The following GLRX3 variants were observed in gnomAD, a reference collection of about 807,000 sequenced individuals.
The protein encoded by GLRX3 is glutaredoxin-3.
In GLRX3, 22 loss-of-function variants were observed where a neutral mutation model predicts 49.5. That is an observed-to-expected ratio of 0.44 (90% CI 0.32 to 0.63). GLRX3 has a LOEUF of 0.63. GLRX3 is among the 30% of genes least tolerant of loss of function. The probability of loss-of-function intolerance (pLI) is 0.05; values close to 1 mark genes in which losing one functional copy is unlikely to be tolerated. For missense variants in GLRX3, 385 were observed against 396.3 expected (o/e 0.97, Z 0.24); for synonymous variants, 133 against 140.0 (o/e 0.95, Z 0.35).
In GLRX3 at chr10:130,160,956, G is replaced by C; in HGVS notation, c.437G>C (p.Cys146Ser). 1 of 1,613,716 alleles carries C rather than the reference G, an allele frequency of 6.2e-7. No homozygotes were observed. The highest frequency in any genetic ancestry group is 8.5e-7 in the Non-Finnish European group (1 of 1,179,852). Reference protein sequence around the residue: ...RLKKLTHAAPCMLFMKGTPQE... With the variant: ...RLKKLTHAAPSMLFMKGTPQE... ...AAGAAATTGACTCATGCTGCCCCCT[G>C]CATGCTGTTTATGAAAGGAACTCCT... Residue 146 changes from cysteine (C) to serine (S), a missense_variant, in exon 4 of 11, where the codon TGC becomes TCC. Cys to Ser is a moderately radical substitution (Grantham distance 112, BLOSUM62 -1). This residue lies in a region of GLRX3 where 374 missense variants were observed against 358.6 expected (regional missense o/e 1.04). Coordinates refer to ENST00000331244, the MANE Select transcript of GLRX3 (RefSeq NM_006541.5).
intron 7 of GLRX3, among the ~76,000 whole-genome samples, chr10:130,170,170 A>G (rs1451495176): frequency 2.6e-5 from 4 of 152,236 alleles, no homozygotes; most frequent in Admixed American, 2.6e-4. Context: ...ATAGCAATTG[A>G]ACCTCTACTT....
chr10:130,162,800 T>G (rs765142677), intron 4 of GLRX3, among the ~76,000 whole-genome samples: 8 of 152,180 alleles, frequency 5.3e-5, no homozygotes, highest in Non-Finnish European at 8.8e-5. Flanking sequence ...CAGGCGAGCC[T>G]CAGGCCCACC....
chr10:130,160,095 T>G, intron 3 of GLRX3, 26 bp downstream of exon 3: 1 of 1,428,296 alleles, frequency 7.0e-7, no homozygotes, highest in Non-Finnish European at 9.9e-7. Flanking sequence ...GTACAAGAGA[T>G]TATCCATTTG....
intron 2 of GLRX3, among the ~76,000 whole-genome samples, chr10:130,145,523 G>A (rs910171721): frequency 3.3e-5 from 5 of 152,002 alleles, no homozygotes; most frequent in Non-Finnish European, 7.4e-5. Flanking sequence ...TTAGCTGGGC[G>A]TGGTGGCGGG....
intron 1 of GLRX3, among the ~76,000 whole-genome samples, chr10:130,140,923 T>A (rs1862160766): frequency 6.6e-6 from 1 of 152,238 alleles, no homozygotes; most frequent in East Asian, 1.9e-4. Flanking sequence ...TCTTAATTAC[T>A]TCCTTAGGAT....
chr10:130,168,929 A>G (rs999218682), intron 6 of GLRX3, among the ~76,000 whole-genome samples: 1 of 152,226 alleles, frequency 6.6e-6, no homozygotes, highest in African/African-American at 2.4e-5. Flanking sequence ...TTGAAAGACT[A>G]TATAAAATAT....
intron 4 of GLRX3, among the ~76,000 whole-genome samples, chr10:130,162,450 C>A (rs1811613000): frequency 6.6e-6 from 1 of 152,306 alleles, no homozygotes; most frequent in Non-Finnish European, 1.5e-5. Flanking sequence ...ACGGGGGTTG[C>A]AAATGGTTCA....
At chr10:130,158,650 G>GT (rs1461026131) in intron 2 of GLRX3, among the ~76,000 whole-genome samples, 1 of 152,150 alleles carries the variant, frequency 6.6e-6, no homozygotes, top group Non-Finnish European at 1.5e-5. Flanking sequence ...GCATGCCCTA[G>GT]TCATTAACTT....
At chr10:130,144,075 C>T (rs1277521934) in intron 1 of GLRX3, among the ~76,000 whole-genome samples, 2 of 152,130 alleles carry the variant, frequency 1.3e-5, no homozygotes, top group East Asian at 1.9e-4. Context: ...TTCTTTTCCT[C>T]GTTTTGCACT....
intron 10 of GLRX3, among the ~76,000 whole-genome samples, chr10:130,178,669 T>A (rs1292042878): frequency 1.3e-5 from 2 of 152,146 alleles, no homozygotes; most frequent in Non-Finnish European, 2.9e-5. Context: ...TACTAAACAA[T>A]CTGTTGGTTT....
chr10:130,152,621 T>C (rs1450482994), intron 2 of GLRX3, among the ~76,000 whole-genome samples: 1 of 152,228 alleles, frequency 6.6e-6, no homozygotes, highest in Non-Finnish European at 1.5e-5. Context: ...GAATGTTGAA[T>C]ATTGGCCCCC....
chr10:130,144,510 C>G (rs781678485), intron 1 of GLRX3, among the ~76,000 whole-genome samples: 2 of 151,894 alleles, frequency 1.3e-5, no homozygotes, highest in Non-Finnish European at 2.9e-5. Context: ...TCCCTGTGTC[C>G]GTGTGGTTTC....
At chr10:130,166,770 T>C in intron 5 of GLRX3, 91 bp downstream of exon 5, 2 of 1,009,046 alleles carry the variant, frequency 2.0e-6, no homozygotes, top group Admixed American at 4.5e-5. Context: ...ACAAATTTCT[T>C]ATGAATCTAT....
intron 1 of GLRX3, among the ~76,000 whole-genome samples, chr10:130,142,984 C>T (rs1308131052): frequency 2.0e-5 from 3 of 152,174 alleles, no homozygotes; most frequent in Admixed American, 2.0e-4. Context: ...TTTCTTGATT[C>T]CCAAATCTGT....
chr10:130,157,880 T>C (rs539904602), intron 2 of GLRX3, among the ~76,000 whole-genome samples: 76 of 152,274 alleles, frequency 5.0e-4, no homozygotes, highest in African/African-American at 1.8e-3. Context: ...TTTATATATT[T>C]ATTTTCTATT....
chr10:130,171,692 G>A (rs562075668), intron 8 of GLRX3, 56 bp downstream of exon 8: 73 of 927,478 alleles, frequency 7.9e-5, no homozygotes, highest in Admixed American at 4.1e-4. Flanking sequence ...CTGGCCAGGC[G>A]TAGTGGCTCA....
chr10:130,157,493 GCCCCCCCCCCCCCCCCCCCCCC>G (rs1161867057), intron 2 of GLRX3, among the ~76,000 whole-genome samples: 2 of 5,980 alleles, frequency 3.3e-4, no homozygotes, highest in East Asian at 6.9e-3. Context: ...GGTGGCCGCC[GCCCCCCCCCCCCCCCCCCCCCC>G]CCGCCCATAT....
intron 2 of GLRX3, among the ~76,000 whole-genome samples, chr10:130,149,330 T>C (rs988152641): frequency 6.6e-6 from 1 of 151,942 alleles, no homozygotes; most frequent in African/African-American, 2.4e-5. Flanking sequence ...TAATCCCAGC[T>C]ACTCGGGAGG....
At chr10:130,141,302 GA>G (rs1016563044) in intron 1 of GLRX3, among the ~76,000 whole-genome samples, 12 of 149,574 alleles carry the variant, frequency 8.0e-5, no homozygotes, top group East Asian at 7.8e-4. Flanking sequence ...CTCAAAAAAA[GA>G]AAAAAAAAAT....
Sources: gnomAD v4.1 joint callset for allele counts (sites outside exome capture counted in the v4.1 genomes callset) on GRCh38, gnomAD v4.1.1 for gene constraint, gnomAD v4.1.1 regional missense constraint, MANE v1.5 for transcripts, NCBI Gene and HGNC (gene_info 2026-07-23, HGNC 2026-07-21) for gene names.